Variants in MAP2K4 observed in about 807,000 individuals in gnomAD.
MAP2K4 encodes the protein dual specificity mitogen-activated protein kinase kinase 4.
In MAP2K4, 4 loss-of-function variants were observed where a neutral mutation model predicts 48.5. That is an observed-to-expected ratio of 0.08 (90% CI 0.04 to 0.19). MAP2K4 has a LOEUF of 0.19. MAP2K4 is among the 10% of genes least tolerant of loss of function. The pLI is 1.00. For synonymous variants in MAP2K4, 166 were observed against 173.1 expected, an observed-to-expected ratio of 0.96 and a Z score of 0.32; for missense variants, 258 against 493.3, an observed-to-expected ratio of 0.52 and a Z score of 4.52.
chr17:12,141,263 T>A lies in MAP2K4; in HGVS notation c.*3T>A, dbSNP rs759895365. ...GCTCTCCCATGTATGTCGATTGATA[T>A]CGCTGCTACATCAGACTCTAGAAAA... On this transcript the variant is annotated 3_prime_UTR_variant, in exon 11 of 11. Transcript: ENST00000353533. 1 of 1,594,796 alleles carries A rather than the reference T, an allele frequency of 6.3e-7. No individual in the cohort carries two copies. Among genetic ancestry groups the A allele is most frequent in the South Asian group, 1.1e-5 (1 of 90,686 alleles).
At chr17:12,062,066 C>T (rs191518189) in intron 2 of MAP2K4, among the ~76,000 whole-genome samples, 3 of 147,634 alleles carry the variant, frequency 2.0e-5, no homozygotes, top group East Asian at 4.3e-4. Flanking sequence ...CTCTCCCCCC[C>T]CTTTTTTTCT....
chr17:12,088,542 TTATATCTAATATATAATATATATTAA>T (rs1410423308), intron 3 of MAP2K4, among the ~76,000 whole-genome samples: 469 of 25,742 alleles, frequency 0.018, 4 homozygotes, highest in South Asian at 0.05. Flanking sequence ...ATATATTAAA[TTATATCTAATATATAATATATATTAA>T]ATATATAATA....
chr17:12,040,524 C>T (rs563795433), intron 1 of MAP2K4, among the ~76,000 whole-genome samples: 54 of 152,264 alleles, frequency 3.5e-4, no homozygotes, highest in African/African-American at 1.2e-3. Flanking sequence ...TCAAAAGCCA[C>T]GTCAAGTAAT....
chr17:12,117,975 G>A (rs977761010), intron 7 of MAP2K4, among the ~76,000 whole-genome samples: 5 of 152,136 alleles, frequency 3.3e-5, no homozygotes, highest in Non-Finnish European at 4.4e-5. Flanking sequence ...GACTCACAGT[G>A]AACACATGCC....
At chr17:12,100,189 C>T (rs528931140) in intron 4 of MAP2K4, among the ~76,000 whole-genome samples, 9 of 152,298 alleles carry the variant, frequency 5.9e-5, no homozygotes, top group South Asian at 2.1e-4. Flanking sequence ...CCATCACTTA[C>T]GAGTTTCCTT....
Position 12,115,544 on chromosome 17 carries a change from A to G in MAP2K4, c.813+2184A>G, listed in dbSNP as rs965754338. 5 of 677,044 alleles carry G rather than the reference A, an allele frequency of 7.4e-6. No homozygotes were observed. The Admixed American group carries it at 9.7e-5, about 13-fold the overall frequency. 41.9% of individuals were successfully genotyped at this position (677,044 alleles called of 1,614,324 possible). On this transcript the variant is annotated intron_variant, in intron 7 of 10. Transcript: ENST00000353533. ...GGAGGTAGAGGTGACGGGCCGGAGA[A>G]AGATGGAAGACTACCAGGCTGCGGA...
chr17:12,132,571 G>A (rs1164147778), intron 9 of MAP2K4, among the ~76,000 whole-genome samples: 5 of 150,568 alleles, frequency 3.3e-5, no homozygotes, highest in African/African-American at 1.2e-4. Flanking sequence ...TAGGAGTTGT[G>A]TTTTCTGTAT....
intron 1 of MAP2K4, chr17:12,027,036 G>A (rs1300294405): frequency 1.3e-5 from 2 of 152,200 alleles, no homozygotes; most frequent in African/African-American, 4.8e-5. Flanking sequence ...AACAAATGTT[G>A]TCGTTCTGGC....
chr17:12,053,639 A>C (rs997516063), intron 1 of MAP2K4, among the ~76,000 whole-genome samples: 12 of 151,998 alleles, frequency 7.9e-5, no homozygotes, highest in African/African-American at 2.2e-4. Context: ...TTATGTGGAA[A>C]AGTCATACTG....
At chr17:12,049,826 A>G (rs558310240) in intron 1 of MAP2K4, among the ~76,000 whole-genome samples, 182 of 152,378 alleles carry the variant, frequency 1.2e-3, no homozygotes, top group Non-Finnish European at 2.4e-3. Flanking sequence ...GTCCCTTTGC[A>G]GATGGGTATG....
chr17:12,129,077 TC>T (rs757293338), intron 8 of MAP2K4, 61 bp from the exon 9 acceptor site: 22 of 1,555,976 alleles, frequency 1.4e-5, no homozygotes, highest in Non-Finnish European at 1.8e-5. Context: ...TTGTGGCCCT[TC>T]CAGTGGGGAG....
At chr17:12,076,854 A>T (rs954657082) in intron 2 of MAP2K4, among the ~76,000 whole-genome samples, 1 of 121,332 alleles carries the variant, frequency 8.2e-6, no homozygotes, top group Non-Finnish European at 1.9e-5. Flanking sequence ...GTGTGTTTGT[A>T]TTTTGTGTGT....
At chr17:12,071,684 T>C (rs1970813987) in intron 2 of MAP2K4, among the ~76,000 whole-genome samples, 1 of 152,168 alleles carries the variant, frequency 6.6e-6, no homozygotes, top group South Asian at 2.1e-4. Context: ...CATCGCTAAA[T>C]TACGGCACTG....
chr17:12,106,101 A>G (rs1421972402), intron 4 of MAP2K4, among the ~76,000 whole-genome samples: 1 of 152,100 alleles, frequency 6.6e-6, no homozygotes, highest in Non-Finnish European at 1.5e-5. Flanking sequence ...CAGGCTTTTC[A>G]GACTCCTAAT....
chr17:12,092,755 A>G (rs1971603008), intron 3 of MAP2K4, among the ~76,000 whole-genome samples: 1 of 152,160 alleles, frequency 6.6e-6, no homozygotes, highest in African/African-American at 2.4e-5. Context: ...GGTCGGTCAC[A>G]GTGGCTCACG....
Position 12,141,331 on chromosome 17 carries a change from A to T in MAP2K4, c.*71A>T, listed in dbSNP as rs1973371897. On this transcript the variant is annotated 3_prime_UTR_variant, in exon 11 of 11. Transcript: ENST00000353533. ...AAGACGTAAAGAATTTTCATCCCGT[A>T]TCACAGTGTTTTTATTGCTCGCCCA... The T allele has an allele frequency of 9.2e-7, 1 of 1,083,082 alleles. No individual in the cohort carries two copies. Among genetic ancestry groups the T allele is most frequent in the Non-Finnish European group, 1.4e-6 (1 of 698,392 alleles). 67.1% of individuals were successfully genotyped at this position (1,083,082 alleles called of 1,614,324 possible). A position where few individuals can be genotyped will look rare whatever the true frequency, so the allele number is the denominator to read the frequency against.
At chr17:12,084,623 A>G (rs978922265) in intron 3 of MAP2K4, among the ~76,000 whole-genome samples, 2 of 152,222 alleles carry the variant, frequency 1.3e-5, no homozygotes, top group African/African-American at 4.8e-5. Flanking sequence ...GAATGAAAAC[A>G]TTAGACATGA....
intron 4 of MAP2K4, among the ~76,000 whole-genome samples, chr17:12,105,460 T>G (rs1972078073): frequency 1.3e-5 from 2 of 152,174 alleles, no homozygotes; most frequent in Admixed American, 1.3e-4. Context: ...TAGTTATTGG[T>G]ATATGTTATT....
chr17:12,130,152 A>G (rs1245141819), intron 9 of MAP2K4, among the ~76,000 whole-genome samples: 2 of 152,132 alleles, frequency 1.3e-5, no homozygotes. Flanking sequence ...TTTAGGTCTT[A>G]TAGACTTAAA....
Sources: allele counts gnomAD v4.1 joint callset (sites outside exome capture counted in the v4.1 genomes callset), GRCh38; gene constraint gnomAD v4.1.1; transcripts MANE v1.5; gene names NCBI Gene and HGNC (gene_info 2026-07-23, HGNC 2026-07-21).